The following GPC6 variants were observed in gnomAD, a reference collection of about 807,000 sequenced individuals.
The protein encoded by GPC6 is glypican-6.
A neutral mutation model predicts 55.2 loss-of-function variants in GPC6; 14 were observed. The observed-to-expected ratio is 0.25, with a 90% CI of 0.17 to 0.40. The LOEUF is 0.40. Among genes scored for constraint, GPC6 ranks in the 10% least tolerant of loss-of-function variants. The pLI is 1.00. For missense variants in GPC6, 641 were observed against 708.5 expected, an observed-to-expected ratio of 0.90 and a Z score of 1.08; for synonymous variants, 278 against 259.6, an observed-to-expected ratio of 1.07 and a Z score of -0.68.
chr13:93,925,333 T>C (rs1877800524), intron 3 of GPC6, among the ~76,000 whole-genome samples: 1 of 152,186 alleles, frequency 6.6e-6, no homozygotes, highest in South Asian at 2.1e-4. Flanking sequence ...GAATGACCTT[T>C]AAATATAAAG....
rs574066297 is a variant in GPC6 at position 94,264,086 on chromosome 13, G to A, written c.878-22263G>A. On this transcript the variant is annotated intron_variant, in intron 4 of 8. Transcript: ENST00000377047. ...GCAGAAGACTGGGTAGAGACCTAAA[G>A]TTTAGTCATTGATCTCCCACATACC... is the stretch of plus-strand genomic sequence containing the variant. 7.2e-5 allele frequency among the ~76,000 whole-genome samples: 11 copies of A among 152,260 alleles called. No homozygotes were observed. In the South Asian group the frequency reaches 1.0e-3, roughly 14 times the overall value.
chr13:94,206,827 T>A (rs1889917137), intron 4 of GPC6, among the ~76,000 whole-genome samples: 1 of 152,140 alleles, frequency 6.6e-6, no homozygotes, highest in African/African-American at 2.4e-5. Context: ...CATTCCAACC[T>A]GGGTGACAGC....
chr13:93,887,955 C>G (rs1353506973), intron 3 of GPC6, among the ~76,000 whole-genome samples: 1 of 152,106 alleles, frequency 6.6e-6, no homozygotes, highest in East Asian at 1.9e-4. Context: ...AGCAGTCCAT[C>G]TGGGGACCAG....
At chr13:93,613,727 T>C (rs1878591670) in intron 2 of GPC6, among the ~76,000 whole-genome samples, 2 of 152,174 alleles carry the variant, frequency 1.3e-5, no homozygotes, top group Non-Finnish European at 2.9e-5. Context: ...TCCATAAGAA[T>C]ATGTCTTTGC....
intron 1 of GPC6, among the ~76,000 whole-genome samples, chr13:93,295,754 A>C (rs1465742849): frequency 6.6e-6 from 1 of 151,690 alleles, no homozygotes. Flanking sequence ...GTCATCCAGG[A>C]GGGAGTGCAG....
chr13:94,227,523 A>G (rs1890595858), intron 4 of GPC6, among the ~76,000 whole-genome samples: 1 of 152,218 alleles, frequency 6.6e-6, no homozygotes, highest in Non-Finnish European at 1.5e-5. Flanking sequence ...CATACAGGCC[A>G]GTGGGGGAGT....
At chr13:93,419,488 G>T (rs1876844179) in intron 1 of GPC6, among the ~76,000 whole-genome samples, 1 of 152,092 alleles carries the variant, frequency 6.6e-6, no homozygotes, top group Non-Finnish European at 1.5e-5. Flanking sequence ...ATTTAGAAAT[G>T]TATTTCCTTA....
chr13:94,234,605 G>T (rs1316717381), intron 4 of GPC6, among the ~76,000 whole-genome samples: 1 of 148,640 alleles, frequency 6.7e-6, no homozygotes, highest in Non-Finnish European at 1.5e-5. Flanking sequence ...CAGATAGTTA[G>T]ATCTCTTTAA....
chr13:93,584,739 A>G (rs545214789), intron 2 of GPC6, among the ~76,000 whole-genome samples: 6 of 122,382 alleles, frequency 4.9e-5, no homozygotes, highest in East Asian at 2.6e-4. Flanking sequence ...CCCAGGCTGG[A>G]GTGCATTAGT....
At chr13:94,142,230 CTTA>C (rs1199603891) in intron 4 of GPC6, among the ~76,000 whole-genome samples, 2 of 152,062 alleles carry the variant, frequency 1.3e-5, no homozygotes, top group Non-Finnish European at 2.9e-5. Flanking sequence ...ATATATAAAA[CTTA>C]TTATTTTCTT....
At chr13:93,572,969 C>T (rs919136267) in intron 2 of GPC6, among the ~76,000 whole-genome samples, 1 of 152,014 alleles carries the variant, frequency 6.6e-6, no homozygotes, top group Non-Finnish European at 1.5e-5. Context: ...TTGTCCTGGG[C>T]ACATCAGGTC....
intron 1 of GPC6, among the ~76,000 whole-genome samples, chr13:93,271,506 G>A (rs1187244724): frequency 6.6e-6 from 1 of 151,914 alleles, no homozygotes; most frequent in Non-Finnish European, 1.5e-5. Flanking sequence ...GGCGTGACAT[G>A]TATCAGATAC....
chr13:93,488,292 T>C (rs1367592147), intron 1 of GPC6, among the ~76,000 whole-genome samples: 3 of 152,166 alleles, frequency 2.0e-5, no homozygotes, highest in African/African-American at 4.8e-5. Context: ...CTACAAAGGA[T>C]GTGAACTCAT....
chr13:93,712,167 A>G (rs1475599040), intron 2 of GPC6, among the ~76,000 whole-genome samples: 1 of 151,794 alleles, frequency 6.6e-6, no homozygotes, highest in African/African-American at 2.4e-5. Flanking sequence ...TCTTTCATAT[A>G]GCAGCATTTT....
At chr13:93,387,694 T>G (rs570173348) in intron 1 of GPC6, among the ~76,000 whole-genome samples, 201 of 152,308 alleles carry the variant, frequency 1.3e-3, no homozygotes, top group Non-Finnish European at 2.4e-3. Flanking sequence ...TAATTTAATA[T>G]GGAAATATTT....
Position 93,919,653 on chromosome 13 carries a change from C to CA in GPC6, c.711+89115dup, listed in dbSNP as rs529882614. On this transcript the variant is annotated intron_variant, in intron 3 of 8. Coordinates refer to ENST00000377047, the MANE Select transcript of GPC6 (RefSeq NM_005708.5). ...GAACCTGGGAGTTTAGAAATGATAC[C>CA]AAAAAAATATGAAGTTATATATTGT... is the stretch of plus-strand genomic sequence containing the variant. Among the ~76,000 whole-genome samples, 35 of 152,026 alleles carry CA rather than the reference C, an allele frequency of 2.3e-4. No individual in the cohort carries two copies. The South Asian group carries it at 6.6e-3, about 29-fold the overall frequency.
At chr13:93,733,215 G>A (rs1035264150) in intron 2 of GPC6, among the ~76,000 whole-genome samples, 2 of 151,956 alleles carry the variant, frequency 1.3e-5, no homozygotes, top group Admixed American at 1.3e-4. Context: ...AAATATGAAA[G>A]AATCATCTGA....
chr13:93,866,754 A>G (rs1017339264), intron 3 of GPC6, among the ~76,000 whole-genome samples: 4 of 151,662 alleles, frequency 2.6e-5, no homozygotes, highest in Admixed American at 2.6e-4. Context: ...AAATCAGGAA[A>G]AATAATTAAT....
intron 1 of GPC6, among the ~76,000 whole-genome samples, chr13:93,286,284 GC>G (rs1878121297): frequency 6.6e-6 from 1 of 152,122 alleles, no homozygotes; most frequent in Non-Finnish European, 1.5e-5. Flanking sequence ...GGGAAAAGCT[GC>G]CCCCACGATT....
Sources: gnomAD v4.1 joint callset for allele counts (sites outside exome capture counted in the v4.1 genomes callset) on GRCh38, gnomAD v4.1.1 for gene constraint, MANE v1.5 for transcripts, NCBI Gene and HGNC (gene_info 2026-07-23, HGNC 2026-07-21) for gene names.